The following RANBP17 variants were observed in gnomAD, a reference collection of about 807,000 sequenced individuals.
RANBP17 encodes the protein ran-binding protein 17.
RANBP17 carries 158 observed loss-of-function variants against 141.2 expected under a neutral mutation model. The observed-to-expected ratio is 1.12, with a 90% CI of 0.98 to 1.28. The LOEUF (loss-of-function observed/expected upper bound fraction) is 1.28, where lower values mean the gene tolerates loss of function less well. Among genes scored for constraint, RANBP17 ranks in the 50% most tolerant of loss-of-function variants. The probability of loss-of-function intolerance (pLI) is 0.00; values close to 1 mark genes in which losing one functional copy is unlikely to be tolerated. For missense variants in RANBP17, 1,438 were observed against 1,290.7 expected (o/e 1.11, Z -1.75); for synonymous variants, 430 against 450.0 (o/e 0.96, Z 0.56).
chr5:171,080,984 T>C lies in RANBP17; in HGVS notation c.1711-89146T>C, dbSNP rs144471054. Among the ~76,000 whole-genome samples, 1,268 of 152,304 alleles carry C rather than the reference T, an allele frequency of 8.3e-3. 19 individuals are homozygous for C. Among genetic ancestry groups the C allele is most frequent in the African/African-American group, 0.029 (1,210 of 41,578 alleles). ...CAGTTTTTATATACTGAGAACCTCC[T>C]TTGTACTGGGCATTGACTGTGTGAT... On this transcript the variant is annotated intron_variant, in intron 14 of 27. Transcript: ENST00000523189.
chr5:171,213,781 G>A (rs1034182286), intron 21 of RANBP17, 43 bp downstream of exon 21: 6 of 1,382,324 alleles, frequency 4.3e-6, no homozygotes, highest in Admixed American at 1.7e-5. Context: ...TCTACTATTA[G>A]CGGAAATCTC....
intron 22 of RANBP17, among the ~76,000 whole-genome samples, chr5:171,238,273 T>A (rs1172461719): frequency 1.3e-5 from 2 of 152,178 alleles, no homozygotes; most frequent in Non-Finnish European, 2.9e-5. Flanking sequence ...CACAAAAAAA[T>A]TTGCAACCTT....
chr5:171,285,802 T>G (rs1336197544), intron 25 of RANBP17, among the ~76,000 whole-genome samples: 1 of 152,232 alleles, frequency 6.6e-6, no homozygotes, highest in Non-Finnish European at 1.5e-5. Flanking sequence ...AATGAATTAT[T>G]TATCATAATT....
intron 16 of RANBP17, among the ~76,000 whole-genome samples, chr5:171,180,060 A>G (rs1202554038): frequency 3.3e-5 from 5 of 152,182 alleles, no homozygotes; most frequent in African/African-American, 1.2e-4. Context: ...TCATAACCAC[A>G]TGGCTAGAGA....
chr5:170,947,389 T>C (rs1223913459), intron 12 of RANBP17, among the ~76,000 whole-genome samples: 2 of 152,218 alleles, frequency 1.3e-5, no homozygotes, highest in Non-Finnish European at 2.9e-5. Context: ...TCATGCAGTT[T>C]ACATTCTGTT....
intron 14 of RANBP17, among the ~76,000 whole-genome samples, chr5:170,992,151 C>G (rs1177219134): frequency 2.0e-5 from 3 of 152,012 alleles, no homozygotes; most frequent in African/African-American, 7.2e-5. Context: ...CTTCTCCCCT[C>G]AGTTGCTTTT....
chr5:171,081,299 G>A (rs574249574), intron 14 of RANBP17, among the ~76,000 whole-genome samples: 1 of 152,130 alleles, frequency 6.6e-6, no homozygotes, highest in African/African-American at 2.4e-5. Context: ...TTAATAAGAG[G>A]ATAAGAGCTA....
At position 171,080,244 on chromosome 5, in the gene RANBP17, AACACACACAC is replaced by A. The variant is rs5873252; in HGVS notation, c.1711-89863_1711-89854del. Among the ~76,000 whole-genome samples the A allele has an allele frequency of 5.3e-4, 79 of 147,890 alleles. 1 individual carries two copies. In the South Asian group the frequency reaches 0.013, roughly 24 times the overall value. The stretch of plus-strand genomic sequence containing the variant: ...TATTATCTTACATACACACACACAA[AACACACACAC>A]ACACACACACACACACACACACGGC... On this transcript the variant is annotated intron_variant, in intron 14 of 27. Coordinates refer to ENST00000523189, the MANE Select transcript of RANBP17 (RefSeq NM_022897.5).
chr5:171,220,768 C>T (rs1416256697), intron 21 of RANBP17, among the ~76,000 whole-genome samples: 3 of 152,128 alleles, frequency 2.0e-5, no homozygotes, highest in African/African-American at 7.2e-5. Context: ...TTATCTAGCA[C>T]AATTGTCCTA....
intron 22 of RANBP17, among the ~76,000 whole-genome samples, chr5:171,222,360 A>G (rs1403103023): frequency 6.6e-6 from 1 of 152,212 alleles, no homozygotes; most frequent in Non-Finnish European, 1.5e-5. Context: ...TTAAAACTAT[A>G]ATAAACTCTA....
At chr5:170,914,137 A>C in intron 7 of RANBP17, 30 bp from the exon 8 acceptor site, 1 of 1,389,190 alleles carries the variant, frequency 7.2e-7, no homozygotes, top group South Asian at 1.2e-5. Flanking sequence ...ATTGAAAGTA[A>C]TGGTGTTAGA....
At chr5:170,873,054 G>A (rs1230371604) in intron 1 of RANBP17, among the ~76,000 whole-genome samples, 2 of 152,184 alleles carry the variant, frequency 1.3e-5, no homozygotes, top group Admixed American at 1.3e-4. Context: ...TGAGACTACA[G>A]GCACGTGAAA....
At chr5:171,243,331 A>C (rs1305809275) in intron 24 of RANBP17, among the ~76,000 whole-genome samples, 1 of 152,180 alleles carries the variant, frequency 6.6e-6, no homozygotes. Flanking sequence ...TTTGAGATTC[A>C]TTCATGTTAT....
intron 3 of RANBP17, among the ~76,000 whole-genome samples, chr5:170,889,971 C>T (rs1769462891): frequency 6.6e-6 from 1 of 152,118 alleles, no homozygotes; most frequent in Non-Finnish European, 1.5e-5. Context: ...GCTAAAGTAA[C>T]AGAAACATAT....
At chr5:171,177,572 T>C (rs562201190) in intron 16 of RANBP17, among the ~76,000 whole-genome samples, 1 of 152,278 alleles carries the variant, frequency 6.6e-6, no homozygotes, top group Admixed American at 6.5e-5. Flanking sequence ...AATCACCACA[T>C]TTGCCACTCT....
chr5:171,098,987 C>G (rs899368294), intron 14 of RANBP17, among the ~76,000 whole-genome samples: 1 of 152,078 alleles, frequency 6.6e-6, no homozygotes, highest in African/African-American at 2.4e-5. Context: ...TGTTTTGGTA[C>G]CAGTACCATC....
At chr5:171,284,243 T>G (rs1302068038) in intron 25 of RANBP17, among the ~76,000 whole-genome samples, 1 of 152,242 alleles carries the variant, frequency 6.6e-6, no homozygotes, top group Non-Finnish European at 1.5e-5. Flanking sequence ...GTAGCATTTC[T>G]GGAACAGTCT....
intron 14 of RANBP17, among the ~76,000 whole-genome samples, chr5:171,160,733 G>A (rs879666964): frequency 2.6e-5 from 4 of 152,188 alleles, no homozygotes; most frequent in Admixed American, 2.6e-4. Context: ...TAAGTCATTA[G>A]CCTCAGTTGC....
chr5:171,036,503 T>C (rs1380904626), intron 14 of RANBP17, among the ~76,000 whole-genome samples: 2 of 152,200 alleles, frequency 1.3e-5, no homozygotes, highest in Non-Finnish European at 2.9e-5. Flanking sequence ...GTTTATTACA[T>C]GGGTATATTG....
Sources: gnomAD v4.1 joint callset for allele counts (sites outside exome capture counted in the v4.1 genomes callset) on GRCh38, gnomAD v4.1.1 for gene constraint, MANE v1.5 for transcripts, NCBI Gene and HGNC (gene_info 2026-07-23, HGNC 2026-07-21) for gene names.